SORCS3: variants seen among roughly 807,000 people sequenced by gnomAD.
SORCS3 encodes sortilin related VPS10 domain containing receptor 3.
Under a neutral mutation model 146.3 loss-of-function variants are expected in SORCS3, and 57 were observed. That is an observed-to-expected ratio of 0.39 (90% confidence interval 0.31 to 0.49). The LOEUF (loss-of-function observed/expected upper bound fraction) is 0.49, where lower values mean the gene tolerates loss of function less well. Among genes scored for constraint, SORCS3 ranks in the 20% least tolerant of loss-of-function variants. The pLI is 0.92. For missense variants in SORCS3, 1,341 were observed against 1,575.5 expected, an observed-to-expected ratio of 0.85 and a Z score of 2.52; for synonymous variants, 653 against 618.5, an observed-to-expected ratio of 1.06 and a Z score of -0.83.
chr10:105,009,480 T>A (rs1445606118), intron 4 of SORCS3, among the ~76,000 whole-genome samples: 4 of 127,174 alleles, frequency 3.1e-5, no homozygotes. Flanking sequence ...AAAGAATAGA[T>A]CAATAGATCT....
intron 26 of SORCS3, 119 bp from the exon 27 acceptor site, chr10:105,263,191 A>T: frequency 1.1e-6 from 1 of 877,820 alleles, no homozygotes; most frequent in East Asian, 2.6e-5. Flanking sequence ...GTGCCTTTTA[A>T]ATAAATTCCT....
intron 1 of SORCS3, among the ~76,000 whole-genome samples, chr10:104,684,823 T>G (rs1286002136): frequency 1.3e-4 from 7 of 54,784 alleles, no homozygotes; most frequent in South Asian, 1.7e-3. Context: ...TTTTTTTTTT[T>G]TTTTTTTTTT....
At chr10:104,658,287 T>G (rs903106154) in intron 1 of SORCS3, among the ~76,000 whole-genome samples, 1 of 152,206 alleles carries the variant, frequency 6.6e-6, no homozygotes, top group Non-Finnish European at 1.5e-5. Context: ...TGTGTTTTTT[T>G]CAGGAGCTGA....
At chr10:104,978,181 C>G (rs1050912899) in intron 4 of SORCS3, among the ~76,000 whole-genome samples, 2 of 152,144 alleles carry the variant, frequency 1.3e-5, no homozygotes, top group African/African-American at 4.8e-5. Context: ...AAGCTAGAAG[C>G]TAGGAGCCAG....
chr10:105,187,531 C>A (rs1283209609), intron 14 of SORCS3, among the ~76,000 whole-genome samples: 1 of 152,152 alleles, frequency 6.6e-6, no homozygotes, highest in Non-Finnish European at 1.5e-5. Flanking sequence ...TGATGTCTGG[C>A]CTTGCCACAA....
chr10:104,668,877 T>A (rs2015816743), intron 1 of SORCS3, among the ~76,000 whole-genome samples: 1 of 152,204 alleles, frequency 6.6e-6, no homozygotes, highest in Non-Finnish European at 1.5e-5. Context: ...TTAGAGATAT[T>A]TTCCCCAAGT....
chr10:104,850,094 G>A (rs2018257121), intron 2 of SORCS3, among the ~76,000 whole-genome samples: 1 of 152,128 alleles, frequency 6.6e-6, no homozygotes, highest in South Asian at 2.1e-4. Context: ...ATAACTTTTG[G>A]AGGGCCTAAG....
chr10:104,770,611 G>A (rs948840660), intron 1 of SORCS3, among the ~76,000 whole-genome samples: 9 of 152,020 alleles, frequency 5.9e-5, no homozygotes, highest in African/African-American at 2.2e-4. Context: ...CTTGAGCCCA[G>A]GAGTTCAAGA....
intron 2 of SORCS3, among the ~76,000 whole-genome samples, chr10:104,865,556 A>G (rs2018449952): frequency 6.6e-6 from 1 of 152,220 alleles, no homozygotes. Context: ...CAGACAGGAA[A>G]GCAGACACCC....
chr10:105,059,085 G>T (rs1035623743), intron 5 of SORCS3, among the ~76,000 whole-genome samples: 3 of 152,114 alleles, frequency 2.0e-5, no homozygotes, highest in Non-Finnish European at 2.9e-5. Flanking sequence ...CAATGCCTTT[G>T]TACACTAGAT....
intron 20 of SORCS3, among the ~76,000 whole-genome samples, chr10:105,235,675 C>T (rs1564791653): frequency 6.6e-6 from 1 of 152,050 alleles, no homozygotes; most frequent in Non-Finnish European, 1.5e-5. Flanking sequence ...CTTACTCCTG[C>T]ATAAGTGGGA....
intron 1 of SORCS3, among the ~76,000 whole-genome samples, chr10:104,746,227 C>T (rs891963486): frequency 2.0e-5 from 3 of 151,332 alleles, no homozygotes; most frequent in Non-Finnish European, 4.4e-5. Context: ...AGCTCCGCCT[C>T]CCAGGTTCAC....
At chr10:105,069,372 T>C (rs934623309) in intron 5 of SORCS3, among the ~76,000 whole-genome samples, 2 of 152,222 alleles carry the variant, frequency 1.3e-5, no homozygotes, top group African/African-American at 2.4e-5. Flanking sequence ...CAAGAGCATG[T>C]TTCTGGGACA....
chr10:104,985,475 A>G (rs747602211), intron 4 of SORCS3, among the ~76,000 whole-genome samples: 4 of 152,254 alleles, frequency 2.6e-5, no homozygotes, highest in Middle Eastern at 3.4e-3. Flanking sequence ...GAGAGTTGGA[A>G]TCAACTTCTT....
chr10:104,925,576 G>A (rs1300934392), intron 3 of SORCS3, among the ~76,000 whole-genome samples: 2 of 152,078 alleles, frequency 1.3e-5, no homozygotes, highest in African/African-American at 4.8e-5. Flanking sequence ...AAACCTTTAG[G>A]AAAAAGCAGG....
chr10:104,967,432 GT>G (rs2089555791), intron 3 of SORCS3, among the ~76,000 whole-genome samples: 1 of 152,078 alleles, frequency 6.6e-6, no homozygotes, highest in Non-Finnish European at 1.5e-5. Context: ...GTACAATAGA[GT>G]GTTAACTATA....
At chr10:104,776,998 G>A (rs2017316239) in intron 1 of SORCS3, among the ~76,000 whole-genome samples, 1 of 151,378 alleles carries the variant, frequency 6.6e-6, no homozygotes, top group Non-Finnish European at 1.5e-5. Context: ...CTAGAGTGAG[G>A]GAGATGGGGG....
chr10:105,251,861 C>T (rs1486805734), intron 22 of SORCS3, among the ~76,000 whole-genome samples: 1 of 152,208 alleles, frequency 6.6e-6, no homozygotes, highest in East Asian at 1.9e-4. Context: ...CTCTTAACCA[C>T]GTTTAGTATT....
intron 1 of SORCS3, among the ~76,000 whole-genome samples, chr10:104,796,365 T>G (rs2017554923): frequency 6.6e-6 from 1 of 152,180 alleles, no homozygotes; most frequent in Non-Finnish European, 1.5e-5. Flanking sequence ...TTTTAATCCC[T>G]TTAGGATATC....
Sources: gnomAD v4.1 joint callset for allele counts (sites outside exome capture counted in the v4.1 genomes callset) on GRCh38, gnomAD v4.1.1 for gene constraint, MANE v1.5 for transcripts, NCBI Gene and HGNC (gene_info 2026-07-23, HGNC 2026-07-21) for gene names.